UGT1A7: variants seen among roughly 807,000 people sequenced by gnomAD.
UGT1A7 encodes the protein UDP glucuronosyltransferase family 1 member A7.
Under a neutral mutation model 45.6 loss-of-function variants are expected in UGT1A7, and 33 were observed. The observed-to-expected ratio is 0.72, with a 90% confidence interval of 0.55 to 0.97. UGT1A7 has a LOEUF of 0.97. UGT1A7 is among the 50% of genes least tolerant of loss of function. UGT1A7 has a pLI of 0.00. For missense variants in UGT1A7, 684 were observed against 666.2 expected, an observed-to-expected ratio of 1.03 and a Z score of -0.29; for synonymous variants, 274 against 250.6, an observed-to-expected ratio of 1.09 and a Z score of -0.88.
chr2:233,769,644 G>T lies in UGT1A7; in HGVS notation c.1295+1205G>T. The T allele has an allele frequency of 1.2e-6, 2 of 1,608,952 alleles. No homozygotes were observed. Among genetic ancestry groups the T allele is most frequent in the South Asian group, 2.2e-5 (2 of 90,446 alleles). On this transcript the variant is annotated intron_variant, in intron 4 of 4. Transcript: ENST00000373426. This position sits in a 1 kb window ranked among gnomAD's most constrained non-coding sequence, Gnocchi z 4.4. The stretch of plus-strand genomic sequence containing the variant: ...CAAGGGACAACAGGGGAGGACTGAT[G>T]ACTGACTTCCCACCTTTGAGGTGCT...
rs10203266 is a variant in UGT1A7 at position 233,687,722 on chromosome 2, G to T, written c.855+4930G>T. 7.2e-5 allele frequency among the ~76,000 whole-genome samples: 11 copies of T among 151,776 alleles called. No homozygotes were observed. The South Asian group carries it at 2.1e-3, about 29-fold the overall frequency. ...GTTTGAGACCAGCCTGGACAACATA[G>T]GGAGACACTGTCTCTACAAAAAATG... On this transcript the variant is annotated intron_variant, in intron 1 of 4. Coordinates refer to ENST00000373426, the MANE Select transcript of UGT1A7 (RefSeq NM_019077.3).
intron 1 of UGT1A7, among the ~76,000 whole-genome samples, chr2:233,704,329 A>G (rs1314519852): frequency 2.4e-5 from 3 of 126,880 alleles, no homozygotes; most frequent in Non-Finnish European, 4.8e-5. Context: ...TTTTCTTTCC[A>G]CTATTTAAAA....
intron 1 of UGT1A7, among the ~76,000 whole-genome samples, chr2:233,700,285 C>T (rs1355294165): frequency 6.6e-6 from 1 of 152,200 alleles, no homozygotes; most frequent in Non-Finnish European, 1.5e-5. Flanking sequence ...TTTTAAAATA[C>T]GTGACTTAGG....
chr2:233,709,529 C>T (rs1169000951), intron 1 of UGT1A7, among the ~76,000 whole-genome samples: 1 of 151,942 alleles, frequency 6.6e-6, no homozygotes, highest in Non-Finnish European at 1.5e-5. Context: ...ATTCTTTTTC[C>T]TACTGTGATA....
At chr2:233,765,130 A>G (rs1448520577) in intron 1 of UGT1A7, among the ~76,000 whole-genome samples, 4 of 152,148 alleles carry the variant, frequency 2.6e-5, no homozygotes, top group Non-Finnish European at 4.4e-5. Context: ...AGGTTTTAGC[A>G]CTGAACATCA....
At chr2:233,691,081 T>C in intron 1 of UGT1A7, 1 of 986,102 alleles carries the variant, frequency 1.0e-6, no homozygotes, top group East Asian at 1.1e-4. Context: ...GTGAAGTTTG[T>C]AGCATCTCTT....
In UGT1A7 at chr2:233,724,982, C is replaced by T. The variant is rs1242883505; in HGVS notation, c.856-42052C>T. 2.1e-4 allele frequency among the ~76,000 whole-genome samples: 28 copies of T among 134,856 alleles called. 1 individual carries two copies. The highest frequency in any genetic ancestry group is 3.3e-4 in the Non-Finnish European group (21 of 62,878). The allele number at this position is 134,856 out of a possible 152,430, so 88.5% of individuals were successfully genotyped here. A position where few individuals can be genotyped will look rare whatever the true frequency, so the allele number is the denominator to read the frequency against. On this transcript the variant is annotated intron_variant, in intron 1 of 4. Coordinates refer to ENST00000373426, the MANE Select transcript of UGT1A7 (RefSeq NM_019077.3). ...GAGGCCGAGGTTGGCGGATCACTCGCGGTTAGGGGCTGGAGACCGGCCCGG... is the reference window on the plus strand; with the variant it reads ...GAGGCCGAGGTTGGCGGATCACTCGTGGTTAGGGGCTGGAGACCGGCCCGG...
chr2:233,767,781 T>C (rs1559414457), intron 2 of UGT1A7, 68 bp from the exon 3 acceptor site: 3 of 1,613,388 alleles, frequency 1.9e-6, no homozygotes, highest in East Asian at 2.2e-5. Context: ...TTCTAGTTAG[T>C]ATAGCAGATT....
intron 1 of UGT1A7, among the ~76,000 whole-genome samples, chr2:233,725,714 T>C (rs572434706): frequency 1.3e-5 from 2 of 152,238 alleles, no homozygotes; most frequent in East Asian, 3.8e-4. Flanking sequence ...GTGACTACCA[T>C]ATGGTCAATG....
At chr2:233,729,800 A>G (rs778424052) in intron 1 of UGT1A7, 13 of 1,613,840 alleles carry the variant, frequency 8.1e-6, no homozygotes, top group South Asian at 1.1e-5. Context: ...TACATTTGCC[A>G]TGCTTTTTCT....
At chr2:233,727,495 T>C (rs1362893443) in intron 1 of UGT1A7, among the ~76,000 whole-genome samples, 1 of 152,152 alleles carries the variant, frequency 6.6e-6, no homozygotes, top group African/African-American at 2.4e-5. Flanking sequence ...AGGTAGAACA[T>C]GGGAGCCCAT....
chr2:233,683,323 T>A (rs2074628267), intron 1 of UGT1A7, among the ~76,000 whole-genome samples: 1 of 152,166 alleles, frequency 6.6e-6, no homozygotes, highest in Non-Finnish European at 1.5e-5. Flanking sequence ...TTTGACATGT[T>A]CTTTTAATAA....
chr2:233,692,938 C>A (rs770236705), intron 1 of UGT1A7: 46 of 1,592,260 alleles, frequency 2.9e-5, no homozygotes, highest in Non-Finnish European at 3.6e-5. Context: ...AGGGAAAATA[C>A]CTAGGAGCCC....
intron 1 of UGT1A7, chr2:233,747,360 G>A: frequency 6.2e-7 from 1 of 1,603,748 alleles, no homozygotes; most frequent in Non-Finnish European, 8.5e-7. Context: ...GGCCGTGCGG[G>A]AGCTCCATGC....
At chr2:233,743,378 C>G (rs1480279341) in intron 1 of UGT1A7, 1 of 1,169,844 alleles carries the variant, frequency 8.5e-7, no homozygotes, top group Non-Finnish European at 1.2e-6. Flanking sequence ...CCATCACTAC[C>G]GTAGGACATG....
chr2:233,693,584 A>G (rs779489251), intron 1 of UGT1A7: 1 of 1,614,184 alleles, frequency 6.2e-7, no homozygotes, highest in Non-Finnish European at 8.5e-7. Flanking sequence ...CTACATTCCC[A>G]GGTGCTACAC....
chr2:233,692,728 T>C (rs2075111664), intron 1 of UGT1A7: 2 of 919,958 alleles, frequency 2.2e-6, no homozygotes, highest in Non-Finnish European at 2.9e-6. Context: ...TGCTATAACT[T>C]TTCAGAGAGG....
At position 233,762,076 on chromosome 2, in the gene UGT1A7, C is replaced by T. The variant is rs543302541; in HGVS notation, c.856-4958C>T. ...CTTCATAGCACATCAAATATGGCAG[C>T]CATTTCACTTAGATAGTTGTTGATT... On this transcript the variant is annotated intron_variant, in intron 1 of 4. Coordinates refer to ENST00000373426, the MANE Select transcript of UGT1A7 (RefSeq NM_019077.3). Among the ~76,000 whole-genome samples the T allele has an allele frequency of 4.6e-5, 7 of 152,184 alleles. No homozygotes were observed. The East Asian group carries it at 1.4e-3, about 29-fold the overall frequency.
chr2:233,702,928 C>A (rs2075715316), intron 1 of UGT1A7, among the ~76,000 whole-genome samples: 1 of 152,064 alleles, frequency 6.6e-6, no homozygotes, highest in Admixed American at 6.5e-5. Flanking sequence ...TCTTGCGGAG[C>A]CTTGGTCTGT....
Sources: allele counts gnomAD v4.1 joint callset (sites outside exome capture counted in the v4.1 genomes callset), GRCh38; gene constraint gnomAD v4.1.1; non-coding constraint Gnocchi (gnomAD v3.1); transcripts MANE v1.5; gene names NCBI Gene and HGNC (gene_info 2026-07-23, HGNC 2026-07-21).